Variants in ADGRG1 observed in about 807,000 individuals in gnomAD.
The protein encoded by ADGRG1 is 7-transmembrane protein with no EGF-like N-terminal domains-1.
A neutral mutation model predicts 73.5 loss-of-function variants in ADGRG1; 53 were observed. That is an observed-to-expected ratio of 0.72 (90% CI 0.58 to 0.91). ADGRG1 has a LOEUF of 0.91. Among genes scored for constraint, ADGRG1 ranks in the 40% least tolerant of loss-of-function variants. The pLI is 0.00. For missense variants in ADGRG1, 795 were observed against 871.8 expected, an observed-to-expected ratio of 0.91 and a Z score of 1.11; for synonymous variants, 394 against 374.4, an observed-to-expected ratio of 1.05 and a Z score of -0.60.
At chr16:57,624,717 C>A, upstream of ADGRG1, 1 of 984,788 alleles carries the variant, frequency 1.0e-6, no homozygotes, top group Non-Finnish European at 1.2e-6. Flanking sequence ...TCACAGCAGA[C>A]AATAAGGATG....
upstream of ADGRG1, among the ~76,000 whole-genome samples, chr16:57,625,381 C>T (rs562476270): frequency 3.3e-5 from 5 of 152,242 alleles, no homozygotes; most frequent in African/African-American, 4.8e-5. Flanking sequence ...TCTTCAGGGA[C>T]GTTTCAGACA....
At chr16:57,633,434 G>C (rs11864115) in intron 1 of ADGRG1, 5 of 985,214 alleles carry the variant, frequency 5.1e-6, no homozygotes, top group African/African-American at 1.7e-5. Flanking sequence ...ACAGCCACAC[G>C]TCATAGGGGC....
chr16:57,646,542 G>A, intron 1 of ADGRG1: 1 of 985,438 alleles, frequency 1.0e-6, no homozygotes, highest in Non-Finnish European at 1.2e-6. Flanking sequence ...GGGTTGTGGG[G>A]GCTTCCTTGG....
In ADGRG1 at chr16:57,651,364, G is replaced by T; in HGVS notation, c.229G>T (p.Ala77Ser). The change falls in exon 3 of 14, where the codon GCT becomes TCT. Residue 77 changes from alanine (A) to serine (S), a missense_variant. By Grantham distance (99) the Ala-to-Ser change is moderately conservative. Transcript: ENST00000562631. ...TGCCCCTTTCCCTGCAGCCCACCCT[G>T]CTTCCCGATCCTTCCCTGACCCCAG... ...VHAPFPAAHP[A>S]SRSFPDPRGL... is the part of the protein sequence containing the mutation. The T allele has an allele frequency of 6.2e-7, 1 of 1,614,084 alleles. No individual in the cohort carries two copies. The highest frequency in any genetic ancestry group is 8.5e-7 in the Non-Finnish European group (1 of 1,180,016).
upstream of ADGRG1, among the ~76,000 whole-genome samples, chr16:57,620,518 AGCGCCCTGAGCAGCTTCCTCCTG>A (rs1324935425): frequency 6.6e-6 from 1 of 152,156 alleles, no homozygotes; most frequent in East Asian, 1.9e-4. Flanking sequence ...TGCTTTCCGC[AGCGCCCTGAGCAGCTTCCTCCTG>A]GGATCCCACG....
chr16:57,622,809 G>A, upstream of ADGRG1: 1 of 985,386 alleles, frequency 1.0e-6, no homozygotes, highest in Non-Finnish European at 1.2e-6. Flanking sequence ...CAGGCAGCGG[G>A]GCACCCAGGC....
intron 1 of ADGRG1, chr16:57,646,832 G>C: frequency 1.2e-6 from 1 of 820,234 alleles, no homozygotes; most frequent in Non-Finnish European, 1.5e-6. Flanking sequence ...TGATAACGTG[G>C]ATGTCACCAC....
chr16:57,630,977 G>GT (rs2037709551), intron 1 of ADGRG1: 1 of 985,782 alleles, frequency 1.0e-6, no homozygotes, highest in South Asian at 4.7e-5. Context: ...CTGTGGGGGG[G>GT]AAGAGAGGCA....
intron 1 of ADGRG1, chr16:57,634,116 C>T (rs1416818968): frequency 5.1e-6 from 5 of 985,300 alleles, no homozygotes; most frequent in Non-Finnish European, 6.0e-6. Flanking sequence ...TGGGACAGAA[C>T]AGCACTGTGG....
chr16:57,645,126 CT>C, intron 1 of ADGRG1: 4 of 985,472 alleles, frequency 4.1e-6, no homozygotes, highest in Non-Finnish European at 4.8e-6. Context: ...GCCCGACCCC[CT>C]GGGCCAAATC....
intron 1 of ADGRG1, among the ~76,000 whole-genome samples, chr16:57,649,062 G>A (rs2043375284): frequency 1.3e-5 from 2 of 152,242 alleles, no homozygotes; most frequent in Admixed American, 1.3e-4. Context: ...TAGCCGCTCA[G>A]CTAATAGAGA....
intron 11 of ADGRG1, chr16:57,660,485 A>T: frequency 1.3e-6 from 1 of 791,184 alleles, no homozygotes; most frequent in Non-Finnish European, 1.5e-6. Flanking sequence ...TGTGACATCC[A>T]GCCCTGCAGC....
intron 1 of ADGRG1, chr16:57,642,049 G>A (rs1662817635): frequency 1.0e-6 from 1 of 983,118 alleles, no homozygotes; most frequent in African/African-American, 1.8e-5. Flanking sequence ...TACTACCCCT[G>A]GCTTCAATTC....
intron 1 of ADGRG1, chr16:57,640,808 C>T: frequency 1.2e-6 from 1 of 842,968 alleles, no homozygotes; most frequent in Non-Finnish European, 1.4e-6. Context: ...GGTTGGTGGC[C>T]AGCCTGGGAA....
In ADGRG1 at chr16:57,653,967, G is replaced by T; in HGVS notation, c.621-19G>T. 2 of 1,613,242 alleles carry T rather than the reference G, an allele frequency of 1.2e-6. No homozygotes were observed. The highest frequency in any genetic ancestry group is 8.5e-7 in the Non-Finnish European group (1 of 1,179,912). ...CGGCCCCCTCCCCACCATCACCACCGCTTTCTCCTCCCTGCCAGGCAGTTG... is the reference window on the plus strand; with the variant it reads ...CGGCCCCCTCCCCACCATCACCACCTCTTTCTCCTCCCTGCCAGGCAGTTG... On this transcript the variant is annotated intron_variant, in intron 4 of 13. Coordinates refer to ENST00000562631, the MANE Select transcript of ADGRG1 (RefSeq NM_201525.4).
At chr16:57,661,568 C>A in intron 12 of ADGRG1, 129 bp from the exon 13 acceptor site, 1 of 1,511,310 alleles carries the variant, frequency 6.6e-7, no homozygotes, top group Non-Finnish European at 8.8e-7. Context: ...ATTACATCAA[C>A]ACTGTAAATA....
rs10852555 is a variant in ADGRG1, at chr16:57,663,656, C to T, written c.*74C>T. On this transcript the variant is annotated 3_prime_UTR_variant, in exon 14 of 14. Transcript: ENST00000562631. ...GCACACTGCCTGTGGCCCCCGAGCC[C>T]GGCCCAGCCCCAGGCCAGTCAGCCG... 3.9e-6 allele frequency: 6 copies of T among 1,545,666 alleles called. No individual in the cohort carries two copies. The highest frequency in any genetic ancestry group is 5.3e-6 in the Non-Finnish European group (6 of 1,130,976).
At chr16:57,637,784 G>A (rs2039738184) in intron 1 of ADGRG1, 6 of 796,222 alleles carry the variant, frequency 7.5e-6, no homozygotes, top group Non-Finnish European at 9.1e-6. Flanking sequence ...TCAGCCCCAA[G>A]CCCCTGCTGC....
At chr16:57,632,963 G>A (rs968850538) in intron 1 of ADGRG1, 1 of 985,238 alleles carries the variant, frequency 1.0e-6, no homozygotes, top group African/African-American at 1.7e-5. Context: ...ACAAGGAACA[G>A]TGAGATAGAG....
Sources: allele counts gnomAD v4.1 joint callset (sites outside exome capture counted in the v4.1 genomes callset), GRCh38; gene constraint gnomAD v4.1.1; transcripts MANE v1.5; gene names NCBI Gene and HGNC (gene_info 2026-07-23, HGNC 2026-07-21).